The following NOX4 variants were observed in gnomAD, a reference collection of about 807,000 sequenced individuals.
NOX4 encodes the protein kidney oxidase-1.
A neutral mutation model predicts 87.6 loss-of-function variants in NOX4; 69 were observed. The observed-to-expected ratio is 0.79, with a 90% confidence interval of 0.65 to 0.96. The LOEUF is 0.96. Among genes scored for constraint, NOX4 ranks in the 40% least tolerant of loss-of-function variants. The probability of loss-of-function intolerance (pLI) is 0.00; values close to 1 mark genes in which losing one functional copy is unlikely to be tolerated. For synonymous variants in NOX4, 275 were observed against 238.2 expected (o/e 1.15, Z -1.42); for missense variants, 680 against 681.5 (o/e 1.00, Z 0.02).
the NOX4 span, among the ~76,000 whole-genome samples, chr11:89,505,805 T>G: frequency 6.6e-6 from 1 of 151,896 alleles, no homozygotes; most frequent in Non-Finnish European, 1.5e-5. Context: ...GGACTTTTGC[T>G]TCCAGATAAA....
At chr11:89,339,208 A>C (rs1945863338) in intron 15 of NOX4, among the ~76,000 whole-genome samples, 3 of 152,188 alleles carry the variant, frequency 2.0e-5, no homozygotes, top group African/African-American at 7.2e-5. Context: ...AGTAAACTAG[A>C]TAAATCTATA....
upstream of NOX4, among the ~76,000 whole-genome samples, chr11:89,493,364 G>C (rs561633910): frequency 2.6e-5 from 4 of 151,262 alleles, no homozygotes; most frequent in African/African-American, 7.3e-5. Context: ...AACCCAGCCT[G>C]TGCGACAGAG....
At chr11:89,487,961 A>G (rs990882518) in intron 2 of NOX4, among the ~76,000 whole-genome samples, 5 of 152,162 alleles carry the variant, frequency 3.3e-5, no homozygotes, top group Non-Finnish European at 7.4e-5. Flanking sequence ...TTCTTTTCCA[A>G]TAAAAGGTAA....
chr11:89,444,079 C>T (rs1161918742), intron 5 of NOX4, 56 bp downstream of exon 5: 1 of 1,451,782 alleles, frequency 6.9e-7, no homozygotes, highest in Non-Finnish European at 9.7e-7. Context: ...ATCACAGACC[C>T]TCATTAGTCA....
chr11:89,467,785 G>A (rs1171399586), intron 2 of NOX4, among the ~76,000 whole-genome samples: 1 of 152,182 alleles, frequency 6.6e-6, no homozygotes, highest in Non-Finnish European at 1.5e-5. Flanking sequence ...CAGAATGATT[G>A]TGTTTTAAGC....
chr11:89,545,888 A>G, the NOX4 span: 1 of 152,150 alleles, frequency 6.6e-6, no homozygotes, highest in African/African-American at 2.4e-5. Context: ...CTTAGTCTGT[A>G]CAGCACCTGT....
chr11:89,470,341 T>C (rs1470717661), intron 2 of NOX4, among the ~76,000 whole-genome samples: 1 of 152,136 alleles, frequency 6.6e-6, no homozygotes, highest in Non-Finnish European at 1.5e-5. Context: ...TGTAGTTGTA[T>C]AAACTGAGCT....
At chr11:89,467,339 A>C (rs1226781739) in intron 2 of NOX4, among the ~76,000 whole-genome samples, 3 of 127,928 alleles carry the variant, frequency 2.3e-5, no homozygotes, top group Admixed American at 8.6e-5. Context: ...CGACAGAGCC[A>C]AACTCGTCAC....
Position 89,345,605 on chromosome 11 carries a change from C to T in NOX4, c.1218-3412G>A, listed in dbSNP as rs1358720678. Among the ~76,000 whole-genome samples, 8 of 152,102 alleles carry T rather than the reference C, an allele frequency of 5.3e-5. No individual in the cohort carries two copies. The East Asian group carries it at 1.5e-3, about 29-fold the overall frequency. On this transcript the variant is annotated intron_variant, in intron 13 of 17. Transcript: ENST00000263317. ...ACCTTTCCCTCCCACATCTTGTATTCCCCAGTGTCTATTGTTTCCATCTTC... is the reference window on the plus strand; with the variant it reads ...ACCTTTCCCTCCCACATCTTGTATTTCCCAGTGTCTATTGTTTCCATCTTC...
At chr11:89,467,741 A>G (rs1009146815) in intron 2 of NOX4, among the ~76,000 whole-genome samples, 2 of 152,220 alleles carry the variant, frequency 1.3e-5, no homozygotes, top group Admixed American at 6.5e-5. Flanking sequence ...CAACATATGA[A>G]TTTTGGGGGG....
chr11:89,387,160 T>C (rs1940773676), intron 11 of NOX4, among the ~76,000 whole-genome samples: 2 of 152,082 alleles, frequency 1.3e-5, no homozygotes, highest in South Asian at 4.1e-4. Flanking sequence ...ACTATTTTGT[T>C]TTATTTTTCT....
At chr11:89,502,648 T>A (rs1947034703), upstream of NOX4, among the ~76,000 whole-genome samples, 1 of 152,030 alleles carries the variant, frequency 6.6e-6, no homozygotes, top group Admixed American at 6.6e-5. Flanking sequence ...AGTAACTTAG[T>A]CAATACTCTA....
At chr11:89,588,896 A>G in the NOX4 span, among the ~76,000 whole-genome samples, 6 of 152,174 alleles carry the variant, frequency 3.9e-5, no homozygotes, top group Non-Finnish European at 7.3e-5. Flanking sequence ...TAACTAAAAG[A>G]TGTAATTGCA....
At chr11:89,353,728 A>C (rs2134970604) in intron 13 of NOX4, among the ~76,000 whole-genome samples, 1 of 152,290 alleles carries the variant, frequency 6.6e-6, no homozygotes, top group Non-Finnish European at 1.5e-5. Flanking sequence ...AAGCAAAGGC[A>C]TTAGGCAAAC....
chr11:89,544,344 T>C, the NOX4 span, among the ~76,000 whole-genome samples: 7 of 152,258 alleles, frequency 4.6e-5, no homozygotes, highest in Admixed American at 2.0e-4. Context: ...GACTTTAAGC[T>C]CTGTAAAGGT....
chr11:89,498,822 TAAC>T (rs1779174190), upstream of NOX4: 1 of 152,358 alleles, frequency 6.6e-6, no homozygotes. Context: ...TCAAAAAGGT[TAAC>T]TAGATAGGTC....
the NOX4 span, chr11:89,546,592 A>C: frequency 1.3e-5 from 2 of 152,342 alleles, no homozygotes; most frequent in Admixed American, 6.5e-5. Context: ...CTATAACATA[A>C]TACCACGCAC....
At chr11:89,406,327 T>A (rs1591142572) in intron 8 of NOX4, among the ~76,000 whole-genome samples, 1 of 152,138 alleles carries the variant, frequency 6.6e-6, no homozygotes, top group African/African-American at 2.4e-5. Context: ...ATGTTCTATA[T>A]GATTTTTATG....
the NOX4 span, among the ~76,000 whole-genome samples, chr11:89,555,942 A>T: frequency 6.6e-6 from 1 of 152,210 alleles, no homozygotes; most frequent in East Asian, 1.9e-4. Context: ...TTAAACAATG[A>T]CATGGAAACA....
Sources: allele counts gnomAD v4.1 joint callset (sites outside exome capture counted in the v4.1 genomes callset), GRCh38; gene constraint gnomAD v4.1.1; transcripts MANE v1.5; gene names NCBI Gene and HGNC (gene_info 2026-07-23, HGNC 2026-07-21).